DNAH6: variants seen among roughly 807,000 people sequenced by gnomAD.
DNAH6 encodes dynein axonemal heavy chain 6.
A neutral mutation model predicts 491.4 loss-of-function variants in DNAH6; 340 were observed. The observed-to-expected ratio is 0.69, with a 90% CI of 0.63 to 0.76. The LOEUF is 0.76. DNAH6 is among the 30% of genes least tolerant of loss of function. DNAH6 has a pLI of 0.00. For missense variants in DNAH6, 4,443 were observed against 4,972.2 expected, an observed-to-expected ratio of 0.89 and a Z score of 3.20; for synonymous variants, 1,603 against 1,686.1, an observed-to-expected ratio of 0.95 and a Z score of 1.21.
At chr2:84,477,975 G>A in the DNAH6 span, among the ~76,000 whole-genome samples, 1 of 152,178 alleles carries the variant, frequency 6.6e-6, no homozygotes, top group South Asian at 2.1e-4. Flanking sequence ...AAAAACAGCT[G>A]CTTTGTCCCC....
intron 22 of DNAH6, among the ~76,000 whole-genome samples, chr2:84,615,430 A>G (rs1368422966): frequency 6.6e-6 from 1 of 152,134 alleles, no homozygotes; most frequent in African/African-American, 2.4e-5. Context: ...TGTTTTGGTG[A>G]CTATGGCCTT....
intron 45 of DNAH6, 81 bp downstream of exon 45, chr2:84,688,674 T>C (rs1338804002): frequency 8.6e-7 from 1 of 1,164,690 alleles, no homozygotes; most frequent in African/African-American, 1.6e-5. Context: ...TTGTATAAAC[T>C]CTTCAAACAG....
At chr2:84,718,489 C>T (rs1213065745) in intron 59 of DNAH6, 105 bp downstream of exon 59, 1 of 931,436 alleles carries the variant, frequency 1.1e-6, no homozygotes, top group South Asian at 2.5e-5. Context: ...ACGGGGGCCA[C>T]ACTGGGCTTC....
intron 70 of DNAH6, among the ~76,000 whole-genome samples, chr2:84,802,927 C>T (rs538396492): frequency 3.3e-5 from 5 of 152,110 alleles, no homozygotes; most frequent in Non-Finnish European, 7.4e-5. Flanking sequence ...CACACAAATG[C>T]ATGGAAACTA....
At chr2:84,755,389 T>C (rs1233399616) in intron 63 of DNAH6, among the ~76,000 whole-genome samples, 1 of 152,186 alleles carries the variant, frequency 6.6e-6, no homozygotes, top group African/African-American at 2.4e-5. Context: ...AAATAATTTA[T>C]TTTCTTTATA....
chr2:84,819,334 C>T lies in DNAH6; in HGVS notation c.12403C>T (p.Leu4135=). The change falls in exon 77 of 77, where the codon CTG becomes TTG. Residue 4135 remains leucine (L), a synonymous_variant. Coordinates refer to ENST00000389394, the MANE Select transcript of DNAH6 (RefSeq NM_001370.2). ...TTCAACCAATTTTGTGGTAACCGTC[C>T]TGTTACCCTCCAAGCGGTCCAAAGA... ...GHSTNFVVTV[L]LPSKRSKDYW... is the part of the protein sequence containing the mutation. The T allele has an allele frequency of 6.4e-7, 1 of 1,550,876 alleles. No individual in the cohort carries two copies. Among genetic ancestry groups the T allele is most frequent in the Non-Finnish European group, 8.7e-7 (1 of 1,146,640 alleles).
chr2:84,470,878 G>T, the DNAH6 span, among the ~76,000 whole-genome samples: 4 of 152,300 alleles, frequency 2.6e-5, no homozygotes, highest in East Asian at 7.7e-4. Flanking sequence ...TCGCAATTGT[G>T]GAGGCTGCAA....
At chr2:84,473,833 T>TA in the DNAH6 span, among the ~76,000 whole-genome samples, 2 of 152,326 alleles carry the variant, frequency 1.3e-5, no homozygotes, top group South Asian at 4.1e-4. Context: ...CAGCCTTTTC[T>TA]AACTGTTTGT....
intron 52 of DNAH6, among the ~76,000 whole-genome samples, chr2:84,706,134 C>T (rs1033923649): frequency 6.6e-6 from 1 of 152,118 alleles, no homozygotes; most frequent in Non-Finnish European, 1.5e-5. Context: ...CCTTCATCTT[C>T]CCAAGAAGAA....
chr2:84,671,361 T>C (rs1353022982), intron 39 of DNAH6, among the ~76,000 whole-genome samples: 1 of 152,102 alleles, frequency 6.6e-6, no homozygotes, highest in African/African-American at 2.4e-5. Context: ...GCCCTCACTC[T>C]CCAGCAGTCC....
At position 84,544,219 on chromosome 2, in the gene DNAH6, T is replaced by C; in HGVS notation, c.663-14T>C. The C allele has an allele frequency of 1.5e-6, 2 of 1,321,568 alleles. No homozygotes were observed. The highest frequency in any genetic ancestry group is 2.0e-6 in the Non-Finnish European group (2 of 977,410). The allele number at this position is 1,321,568 out of a possible 1,614,324, so 81.9% of individuals were successfully genotyped here. On this transcript the variant is annotated splice_polypyrimidine_tract_variant and intron_variant, in intron 4 of 76. Transcript: ENST00000389394. Reference sequence around the variant, plus strand: ...ATACTTTATTTATTAGTCCCAATTTTTATTTGTTTATAGAGTTGTAAGTTA... The same window carrying C: ...ATACTTTATTTATTAGTCCCAATTTCTATTTGTTTATAGAGTTGTAAGTTA...
At chr2:84,654,502 TC>T (rs1200253657) in intron 34 of DNAH6, among the ~76,000 whole-genome samples, 157 bp from the exon 35 acceptor site, 1 of 152,164 alleles carries the variant, frequency 6.6e-6, no homozygotes, top group East Asian at 1.9e-4. Context: ...TTCCTCCATT[TC>T]TAATTACTTA....
At chr2:84,739,296 A>G (rs1193631959) in intron 62 of DNAH6, among the ~76,000 whole-genome samples, 2 of 152,132 alleles carry the variant, frequency 1.3e-5, no homozygotes, top group Non-Finnish European at 2.9e-5. Flanking sequence ...GGTTAGTCCT[A>G]TCCCTCCTAT....
chr2:84,690,364 G>C (rs199869159), intron 45 of DNAH6, among the ~76,000 whole-genome samples: 1 of 152,034 alleles, frequency 6.6e-6, no homozygotes, highest in African/African-American at 2.4e-5. Flanking sequence ...TCATTGGCTT[G>C]TCCAGATGCC....
At chr2:84,511,835 A>G (rs1343069248), upstream of DNAH6, among the ~76,000 whole-genome samples, 1 of 151,574 alleles carries the variant, frequency 6.6e-6, no homozygotes, top group Non-Finnish European at 1.5e-5. Flanking sequence ...TGATTTTTTT[A>G]TGTTGAAATA....
intron 33 of DNAH6, among the ~76,000 whole-genome samples, chr2:84,645,281 TG>T (rs1689786464): frequency 6.6e-6 from 1 of 152,124 alleles, no homozygotes; most frequent in Non-Finnish European, 1.5e-5. Context: ...TAGCTGGGCA[TG>T]GTGGCACATG....
chr2:84,803,458 T>A (rs183407076), intron 70 of DNAH6, among the ~76,000 whole-genome samples: 65 of 152,230 alleles, frequency 4.3e-4, no homozygotes, highest in African/African-American at 1.5e-3. Context: ...AAAATGTTTT[T>A]TTAAAAATTA....
At chr2:84,571,434 C>A (rs1056312152) in intron 11 of DNAH6, among the ~76,000 whole-genome samples, 1 of 152,148 alleles carries the variant, frequency 6.6e-6, no homozygotes, top group East Asian at 1.9e-4. Flanking sequence ...AATGAGACAA[C>A]AAATGCCTTG....
At chr2:84,802,645 T>G (rs970067700) in intron 70 of DNAH6, among the ~76,000 whole-genome samples, 1 of 152,096 alleles carries the variant, frequency 6.6e-6, no homozygotes, top group Admixed American at 6.5e-5. Context: ...CTGACAACAT[T>G]AGATCATCAA....
Sources: allele counts gnomAD v4.1 joint callset (sites outside exome capture counted in the v4.1 genomes callset), GRCh38; gene constraint gnomAD v4.1.1; transcripts MANE v1.5; gene names NCBI Gene and HGNC (gene_info 2026-07-23, HGNC 2026-07-21).